C12orf42: variants seen among roughly 807,000 people sequenced by gnomAD.
C12orf42 encodes the protein chromosome 12 open reading frame 42.
Under a neutral mutation model 21.6 loss-of-function variants are expected in C12orf42, and 25 were observed. The observed-to-expected ratio is 1.16, with a 90% CI of 0.84 to 1.62. The LOEUF is 1.62. Ranked by LOEUF, C12orf42 falls within the 40% of genes most tolerant of loss-of-function variation. C12orf42 has a pLI of 0.00. For missense variants in C12orf42, 483 were observed against 459.3 expected (o/e 1.05, Z -0.47); for synonymous variants, 174 against 175.0 (o/e 0.99, Z 0.05).
chr12:103,416,897 G>A (rs554928707), intron 2 of C12orf42, among the ~76,000 whole-genome samples: 11 of 152,238 alleles, frequency 7.2e-5, no homozygotes, highest in African/African-American at 2.6e-4. Flanking sequence ...TTGCACAAAA[G>A]ATATTATAAC....
chr12:103,424,917 A>T (rs2139198847), intron 2 of C12orf42, among the ~76,000 whole-genome samples: 1 of 152,342 alleles, frequency 6.6e-6, no homozygotes, highest in Admixed American at 6.5e-5. Flanking sequence ...CATGGAAAGC[A>T]GCAAGCTAAG....
the C12orf42 span, among the ~76,000 whole-genome samples, chr12:103,158,674 T>A: frequency 6.6e-6 from 1 of 151,008 alleles, no homozygotes; most frequent in African/African-American, 2.4e-5. Flanking sequence ...AGGTCAGGAG[T>A]TTGAGACCAG....
At chr12:103,499,708 C>T (rs1424768181), upstream of C12orf42, among the ~76,000 whole-genome samples, 1 of 152,198 alleles carries the variant, frequency 6.6e-6, no homozygotes, top group Admixed American at 6.5e-5. Flanking sequence ...CTAATAGAAG[C>T]AGGGATATGC....
intron 4 of C12orf42, among the ~76,000 whole-genome samples, chr12:103,341,137 ACAC>A (rs1160019854): frequency 6.9e-6 from 1 of 144,612 alleles, no homozygotes; most frequent in African/African-American, 2.6e-5. Context: ...AAAAAAAAAG[ACAC>A]CACAATAAAA....
the C12orf42 span, among the ~76,000 whole-genome samples, chr12:103,149,414 A>AT: frequency 9.9e-5 from 15 of 152,154 alleles, no homozygotes; most frequent in Non-Finnish European, 1.8e-4. Context: ...ATAAACAATG[A>AT]TTTTTTTTAG....
the C12orf42 span, among the ~76,000 whole-genome samples, chr12:103,220,187 A>G: frequency 6.6e-6 from 1 of 152,092 alleles, no homozygotes; most frequent in Non-Finnish European, 1.5e-5. Flanking sequence ...ACACGTACTC[A>G]CTCATAAGTA....
At chr12:103,315,117 T>A (rs1428711272) in intron 4 of C12orf42, among the ~76,000 whole-genome samples, 4 of 152,064 alleles carry the variant, frequency 2.6e-5, no homozygotes, top group Non-Finnish European at 5.9e-5. Context: ...ACATAAAACC[T>A]CATACTAAAG....
the C12orf42 span, among the ~76,000 whole-genome samples, chr12:103,061,827 G>A: frequency 6.6e-6 from 1 of 151,250 alleles, no homozygotes; most frequent in African/African-American, 2.4e-5. Flanking sequence ...GAGGCATTTA[G>A]TACACATATA....
intron 2 of C12orf42, among the ~76,000 whole-genome samples, chr12:103,443,590 T>C (rs1214206430): frequency 6.6e-6 from 1 of 152,156 alleles, no homozygotes; most frequent in African/African-American, 2.4e-5. Flanking sequence ...GTGAAATCTC[T>C]TCATTTTTTC....
At position 103,318,873 on chromosome 12, in the gene C12orf42, C is replaced by T. The variant is rs75282963; in HGVS notation, c.260-12528G>A. 7.4e-3 allele frequency among the ~76,000 whole-genome samples: 1,134 copies of T among 152,276 alleles called. 14 individuals carry two copies. The highest frequency in any genetic ancestry group is 0.019 in the African/African-American group (792 of 41,562). The stretch of plus-strand genomic sequence containing the variant: ...CATGCCCCAGTGCAATATTTCACAT[C>T]GTGCTAAAACTCTGGTGAAGCAGTA... On this transcript the variant is annotated intron_variant, in intron 4 of 5. Coordinates refer to ENST00000548883, the MANE Select transcript of C12orf42 (RefSeq NM_198521.5).
intron 2 of C12orf42, among the ~76,000 whole-genome samples, chr12:103,411,324 A>G (rs761757856): frequency 2.0e-5 from 3 of 152,218 alleles, no homozygotes; most frequent in Non-Finnish European, 4.4e-5. Context: ...CTTACTGTCA[A>G]TTTTATTATG....
At chr12:103,125,510 A>AT in the C12orf42 span, among the ~76,000 whole-genome samples, 151 of 152,310 alleles carry the variant, frequency 9.9e-4, no homozygotes, top group Non-Finnish European at 1.8e-3. Flanking sequence ...AAATCTGCGC[A>AT]TTTTTTTAAA....
chr12:103,287,705 TAATA>T (rs1474528882), intron 4 of C12orf42, among the ~76,000 whole-genome samples: 1 of 135,468 alleles, frequency 7.4e-6, no homozygotes, highest in African/African-American at 2.8e-5. Flanking sequence ...TAAAGTATAA[TAATA>T]AAAAAAAAAA....
At chr12:103,404,764 G>T (rs1414529581) in intron 2 of C12orf42, among the ~76,000 whole-genome samples, 1 of 152,164 alleles carries the variant, frequency 6.6e-6, no homozygotes, top group Non-Finnish European at 1.5e-5. Context: ...TAGAGAAGAG[G>T]CAAGTTATGA....
chr12:103,166,207 T>C, the C12orf42 span, among the ~76,000 whole-genome samples: 1 of 152,142 alleles, frequency 6.6e-6, no homozygotes, highest in Non-Finnish European at 1.5e-5. Context: ...GTAATATGAA[T>C]GTCTCTGTGG....
Position 103,485,121 on chromosome 12 carries a change from G to A in C12orf42, c.-21-6674C>T, listed in dbSNP as rs182518875. On this transcript the variant is annotated intron_variant, in intron 1 of 5. Transcript: ENST00000548883. ...CCTGATCTCGTGATCTGCCCGCCTC[G>A]GCCTCCCAAAGTGCTGGGATTACAG... Among the ~76,000 whole-genome samples the A allele has an allele frequency of 5.9e-4, 89 of 152,062 alleles. 2 individuals are homozygous for A. The highest frequency in any genetic ancestry group is 5.5e-3 in the Admixed American group (84 of 15,272).
At chr12:103,505,694 A>C in the C12orf42 span, 1 of 221,114 alleles carries the variant, frequency 4.5e-6, no homozygotes, top group South Asian at 5.6e-5. Flanking sequence ...AAGGCTGTAG[A>C]TGGAGAGGAC....
chr12:103,455,797 T>A (rs923167201), intron 2 of C12orf42, among the ~76,000 whole-genome samples: 1 of 152,146 alleles, frequency 6.6e-6, no homozygotes, highest in Non-Finnish European at 1.5e-5. Flanking sequence ...TCTAAAACAT[T>A]TGCTTGTTTT....
At chr12:103,271,053 AT>A (rs2035446660) in intron 5 of C12orf42, among the ~76,000 whole-genome samples, 1 of 152,098 alleles carries the variant, frequency 6.6e-6, no homozygotes, top group East Asian at 1.9e-4. Flanking sequence ...AATTCTGGGA[AT>A]TTTTTTCACA....
Sources: gnomAD v4.1 joint callset for allele counts (sites outside exome capture counted in the v4.1 genomes callset) on GRCh38, gnomAD v4.1.1 for gene constraint, MANE v1.5 for transcripts, NCBI Gene and HGNC (gene_info 2026-07-23, HGNC 2026-07-21) for gene names.